TJP1: variants seen among roughly 807,000 people sequenced by gnomAD.
TJP1 encodes the protein tight junction protein 1, also known as tight junction protein ZO-1.
In TJP1, 43 loss-of-function variants were observed where a neutral mutation model predicts 194.2. The observed-to-expected ratio is 0.22, with a 90% CI of 0.17 to 0.29. The LOEUF is 0.29. TJP1 is among the 10% of genes least tolerant of loss of function. The pLI is 1.00. For missense variants in TJP1, 1,971 were observed against 2,185.7 expected, an observed-to-expected ratio of 0.90 and a Z score of 1.96; for synonymous variants, 801 against 779.0, an observed-to-expected ratio of 1.03 and a Z score of -0.47.
chr15:29,801,599 C>G (rs1037438003), intron 1 of TJP1, among the ~76,000 whole-genome samples: 1 of 149,818 alleles, frequency 6.7e-6, no homozygotes, highest in Non-Finnish European at 1.5e-5. Context: ...GTAGCTGGGA[C>G]TACAGGCGCC....
chr15:29,807,059 A>C (rs1487746779), intron 1 of TJP1, among the ~76,000 whole-genome samples: 2 of 152,240 alleles, frequency 1.3e-5, no homozygotes, highest in Non-Finnish European at 2.9e-5. Flanking sequence ...AAATTTAGTA[A>C]ATTTAGCATC....
chr15:29,896,406 A>T (rs2053478165), intron 2 of TJP1, among the ~76,000 whole-genome samples: 1 of 152,188 alleles, frequency 6.6e-6, no homozygotes, highest in South Asian at 2.1e-4. Context: ...GCCACATGGA[A>T]CTGTCAGTCC....
At chr15:29,798,211 T>C (rs1223670233) in intron 2 of TJP1, among the ~76,000 whole-genome samples, 1 of 151,518 alleles carries the variant, frequency 6.6e-6, no homozygotes, top group African/African-American at 2.4e-5. Flanking sequence ...CCTCGGGTAA[T>C]CCACCAGCCT....
At chr15:29,710,754 C>T in intron 24 of TJP1, 77 bp downstream of exon 24, 2 of 1,575,886 alleles carry the variant, frequency 1.3e-6, no homozygotes, top group Middle Eastern at 4.4e-4. Context: ...AATGTAAAAA[C>T]CATTTTGCCT....
intron 15 of TJP1, among the ~76,000 whole-genome samples, chr15:29,731,187 G>C (rs2043633977): frequency 6.6e-6 from 1 of 151,410 alleles, no homozygotes; most frequent in Non-Finnish European, 1.5e-5. Flanking sequence ...AAACTGGATT[G>C]ATGTGGAGAA....
intron 8 of TJP1, chr15:29,758,953 A>G (rs1183791623): frequency 1.3e-5 from 2 of 152,174 alleles, no homozygotes; most frequent in Admixed American, 1.3e-4. Flanking sequence ...ATACATAAAA[A>G]CTACAGTAGA....
At chr15:29,724,624 T>C (rs1184858793) in intron 18 of TJP1, among the ~76,000 whole-genome samples, 4 of 152,204 alleles carry the variant, frequency 2.6e-5, no homozygotes, top group African/African-American at 9.6e-5. Context: ...TCAGATCTTG[T>C]AAAAAGGAAC....
chr15:29,788,782 T>G (rs1225940406), intron 2 of TJP1, among the ~76,000 whole-genome samples: 1 of 152,244 alleles, frequency 6.6e-6, no homozygotes, highest in East Asian at 1.9e-4. Flanking sequence ...AACTCATTCC[T>G]GAGGAATTCA....
intron 15 of TJP1, among the ~76,000 whole-genome samples, chr15:29,731,425 G>A (rs924132217): frequency 1.3e-5 from 2 of 152,172 alleles, no homozygotes; most frequent in Non-Finnish European, 2.9e-5. Context: ...CAGTGTGTCA[G>A]GCAATCTGGA....
At chr15:29,755,582 CAATG>C (rs151074196) in intron 8 of TJP1, among the ~76,000 whole-genome samples, 79 of 152,268 alleles carry the variant, frequency 5.2e-4, no homozygotes, top group African/African-American at 1.9e-3. Flanking sequence ...TCAGGAGGAA[CAATG>C]AATGAAGAGA....
At chr15:29,702,347 G>T (rs2041601531) in intron 27 of TJP1, among the ~76,000 whole-genome samples, 1 of 152,114 alleles carries the variant, frequency 6.6e-6, no homozygotes, top group African/African-American at 2.4e-5. Flanking sequence ...CTCATTGACT[G>T]GGTGTTAGTT....
intron 2 of TJP1, among the ~76,000 whole-genome samples, chr15:29,790,545 A>G (rs1242038825): frequency 6.6e-6 from 1 of 152,214 alleles, no homozygotes; most frequent in Non-Finnish European, 1.5e-5. Flanking sequence ...TGCTGTTACG[A>G]ACATTTCAAT....
chr15:29,919,681 G>A (rs2054295855), intron 2 of TJP1, among the ~76,000 whole-genome samples: 1 of 152,174 alleles, frequency 6.6e-6, no homozygotes, highest in African/African-American at 2.4e-5. Context: ...TCTGGAGAGA[G>A]AGCTCTTAGG....
At chr15:29,721,472 G>A (rs1231494596) in intron 18 of TJP1, among the ~76,000 whole-genome samples, 1 of 152,090 alleles carries the variant, frequency 6.6e-6, no homozygotes, top group Non-Finnish European at 1.5e-5. Flanking sequence ...AGAAGCAGAA[G>A]CCTGTACAGC....
At chr15:29,890,155 C>A (rs970045086) in intron 2 of TJP1, among the ~76,000 whole-genome samples, 1 of 152,156 alleles carries the variant, frequency 6.6e-6, no homozygotes, top group Non-Finnish European at 1.5e-5. Context: ...GACCTTGAGT[C>A]CACCTCGCCA....
intron 23 of TJP1, among the ~76,000 whole-genome samples, chr15:29,712,727 G>A (rs1320517029): frequency 6.6e-6 from 1 of 151,492 alleles, no homozygotes; most frequent in African/African-American, 2.4e-5. Flanking sequence ...TGCTAATAGT[G>A]AGCAAAGAAA....
In TJP1 at chr15:29,708,673, C is replaced by T; in HGVS notation, c.4736G>A (p.Ser1579Asn). Reference protein sequence around the residue: ...TSPKTLVKSHSLAQPPEFDSG... With the variant: ...TSPKTLVKSHNLAQPPEFDSG... ...GTCAAACTCAGGAGGCTGTGCCAAA[C>T]TGTGCGATTTCACAAGAGTTTTTGG... The change falls in exon 25 of 28, where the codon AGT (serine) becomes AAT (asparagine). Residue 1579 changes from serine to asparagine, a missense_variant. Transcript: ENST00000614355. 6.2e-7 allele frequency: 1 copy of T among 1,614,214 alleles called. No individual in the cohort carries two copies.
intron 27 of TJP1, 76 bp downstream of exon 27, chr15:29,704,085 TG>T: frequency 6.9e-7 from 1 of 1,459,344 alleles, no homozygotes; most frequent in Non-Finnish European, 9.3e-7. Flanking sequence ...ACACACAGCA[TG>T]GGCAGCATCA....
chr15:29,949,371 T>C (rs1459981282), intron 2 of TJP1, among the ~76,000 whole-genome samples: 53 of 32,472 alleles, frequency 1.6e-3, no homozygotes, highest in African/African-American at 1.8e-3. Context: ...ACAACCATCT[T>C]CACCACTGCT....
Sources: allele counts gnomAD v4.1 joint callset (sites outside exome capture counted in the v4.1 genomes callset), GRCh38; gene constraint gnomAD v4.1.1; transcripts MANE v1.5; gene names NCBI Gene and HGNC (gene_info 2026-07-23, HGNC 2026-07-21).